Variants in PRCP observed in about 807,000 individuals in gnomAD.
The protein encoded by PRCP is lysosomal Pro-X carboxypeptidase.
In PRCP, 46 loss-of-function variants were observed where a neutral mutation model predicts 54.2. The ratio of observed to expected loss-of-function variants is 0.85; its 90% CI spans 0.67 to 1.09. PRCP has a LOEUF of 1.09. PRCP is among the 50% of genes least tolerant of loss of function. The pLI is 0.00. For missense variants in PRCP, 613 were observed against 596.8 expected (o/e 1.03, Z -0.28); for synonymous variants, 240 against 212.2 (o/e 1.13, Z -1.14).
chr11:82,837,209 C>T (rs1858549202), intron 8 of PRCP: 2 of 200,492 alleles, frequency 1.0e-5, no homozygotes, highest in Non-Finnish European at 1.1e-5. Flanking sequence ...AAGCACAGCT[C>T]CATGCCAAAG....
At chr11:82,879,371 A>C (rs1859690470) in intron 1 of PRCP, among the ~76,000 whole-genome samples, 1 of 152,202 alleles carries the variant, frequency 6.6e-6, no homozygotes, top group Admixed American at 6.5e-5. Context: ...CATGGTTTTC[A>C]GCTCCATCAC....
At chr11:82,848,141 G>A (rs957756951) in intron 6 of PRCP, among the ~76,000 whole-genome samples, 1 of 152,084 alleles carries the variant, frequency 6.6e-6, no homozygotes, top group African/African-American at 2.4e-5. Flanking sequence ...TTTGAAACCC[G>A]GCTCTATATC....
At chr11:82,857,500 G>A (rs1396879451) in intron 2 of PRCP, among the ~76,000 whole-genome samples, 1 of 151,978 alleles carries the variant, frequency 6.6e-6, no homozygotes, top group African/African-American at 2.4e-5. Flanking sequence ...TCTATATCTG[G>A]TCATTAGCCA....
chr11:82,843,989 GAAA>G (rs36057569), intron 6 of PRCP, among the ~76,000 whole-genome samples: 1 of 130,038 alleles, frequency 7.7e-6, no homozygotes. Flanking sequence ...TCTGATGTGG[GAAA>G]AAAAAAAAAA....
intron 1 of PRCP, among the ~76,000 whole-genome samples, chr11:82,863,528 A>C (rs895457056): frequency 3.9e-5 from 6 of 152,220 alleles, no homozygotes; most frequent in African/African-American, 1.4e-4. Flanking sequence ...GAGATTCTTG[A>C]AGATAATTTT....
Position 82,837,437 on chromosome 11 carries a change from C to G in PRCP, c.1274+950G>C, listed in dbSNP as rs149482601. ...TACTTTAACAACTGTCAGAGAAATG[C>G]GACATGGGGTAAGGAGATGCCTTTT... On this transcript the variant is annotated intron_variant, in intron 8 of 8. Coordinates refer to ENST00000313010, the MANE Select transcript of PRCP (RefSeq NM_005040.4). 3.2e-3 allele frequency among the ~76,000 whole-genome samples: 488 copies of G among 152,218 alleles called. 9 individuals carry two copies. The highest frequency in any genetic ancestry group is 4.0e-3 in the East Asian group (21 of 5,188).
At chr11:82,834,086 C>T (rs1398570386) in intron 8 of PRCP, among the ~76,000 whole-genome samples, 2 of 152,204 alleles carry the variant, frequency 1.3e-5, no homozygotes, top group East Asian at 3.8e-4. Flanking sequence ...TGCCCTTCCA[C>T]CTCCAGCCAT....
intron 2 of PRCP, among the ~76,000 whole-genome samples, chr11:82,855,336 G>A (rs1859058864): frequency 6.6e-6 from 1 of 152,044 alleles, no homozygotes; most frequent in Non-Finnish European, 1.5e-5. Context: ...TACAAGAAAA[G>A]GGCCGGGCAT....
chr11:82,832,070 G>A (rs1858399398), intron 8 of PRCP, among the ~76,000 whole-genome samples: 1 of 152,146 alleles, frequency 6.6e-6, no homozygotes, highest in Admixed American at 6.5e-5. Flanking sequence ...TGGCTACATA[G>A]TATTCCATGG....
intron 8 of PRCP, chr11:82,837,058 G>T: frequency 1.0e-5 from 2 of 200,856 alleles, no homozygotes; most frequent in South Asian, 1.7e-4. Context: ...ATACATCAAG[G>T]AATTGTCAAG....
intron 7 of PRCP, 49 bp downstream of exon 7, chr11:82,839,212 C>T (rs373175685): frequency 6.4e-7 from 1 of 1,571,998 alleles, no homozygotes; most frequent in Non-Finnish European, 8.7e-7. Flanking sequence ...TACAGCACAA[C>T]TGTGTCAGTG....
At chr11:82,832,437 C>A (rs537419489) in intron 8 of PRCP, among the ~76,000 whole-genome samples, 40 of 152,294 alleles carry the variant, frequency 2.6e-4, no homozygotes, top group African/African-American at 8.2e-4. Context: ...TTTTGAGTTG[C>A]ATTTCTCTAA....
At chr11:82,871,600 C>G (rs1201474676) in intron 1 of PRCP, among the ~76,000 whole-genome samples, 1 of 152,044 alleles carries the variant, frequency 6.6e-6, no homozygotes, top group Non-Finnish European at 1.5e-5. Context: ...GACAAAGACC[C>G]CTCAACCTCC....
intron 1 of PRCP, among the ~76,000 whole-genome samples, chr11:82,871,732 T>G (rs996588248): frequency 1.3e-5 from 2 of 152,336 alleles, no homozygotes; most frequent in African/African-American, 2.4e-5. Flanking sequence ...CTCATAAATC[T>G]TCTGTTCTCC....
chr11:82,858,185 C>G (rs1859133786), intron 2 of PRCP: 1 of 152,114 alleles, frequency 6.6e-6, no homozygotes, highest in African/African-American at 2.4e-5. Context: ...GCTTGCAAGT[C>G]CCCTAATCTT....
rs1024833246 is a variant in PRCP, at chr11:82,824,198, G to A, written c.*708C>T. ...AACAAAGAGAAATGGAGCAGAAAAA[G>A]GCCAGATTTCTTACTGGCAGTACCA... is the stretch of plus-strand genomic sequence containing the variant. On this transcript the variant is annotated 3_prime_UTR_variant, in exon 9 of 9. Transcript: ENST00000313010. The A allele has an allele frequency of 1.3e-5, 2 of 152,114 alleles. No individual in the cohort carries two copies. Among genetic ancestry groups the A allele is most frequent in the African/African-American group, 4.8e-5 (2 of 41,408 alleles). The allele number at this position is 152,114 out of a possible 1,614,324, so 9.4% of individuals were successfully genotyped here.
chr11:82,831,138 A>G (rs1029006708), intron 8 of PRCP: 1 of 151,596 alleles, frequency 6.6e-6, no homozygotes, highest in Non-Finnish European at 1.5e-5. Context: ...TCACTTAGTC[A>G]CTGGCAACAA....
In PRCP at chr11:82,823,469, T is replaced by A. The variant is rs1858144447; in HGVS notation, c.*1437A>T. 6.6e-6 allele frequency: 1 copy of A among 151,526 alleles called. No homozygotes were observed. Among genetic ancestry groups the A allele is most frequent in the Admixed American group, 6.6e-5 (1 of 15,194 alleles). The allele number at this position is 151,526 out of a possible 1,614,324, so 9.4% of individuals were successfully genotyped here. A position where few individuals can be genotyped will look rare whatever the true frequency, so the allele number is the denominator to read the frequency against. On this transcript the variant is annotated 3_prime_UTR_variant, in exon 9 of 9. Coordinates refer to ENST00000313010, the MANE Select transcript of PRCP (RefSeq NM_005040.4). ...AAAATAAGACAAAGATTTTCCTGTA[T>A]CTCCCAGATGCCAGGGAAAGTAAAG...
intron 8 of PRCP, among the ~76,000 whole-genome samples, chr11:82,832,482 G>T (rs1185564938): frequency 6.6e-6 from 1 of 152,076 alleles, no homozygotes; most frequent in Non-Finnish European, 1.5e-5. Flanking sequence ...TCATAAGTTT[G>T]TTGGCCGCAT....
Sources: allele counts gnomAD v4.1 joint callset (sites outside exome capture counted in the v4.1 genomes callset), GRCh38; gene constraint gnomAD v4.1.1; transcripts MANE v1.5; gene names NCBI Gene and HGNC (gene_info 2026-07-23, HGNC 2026-07-21).